Variants in SCARA5 observed in about 807,000 individuals in gnomAD.
SCARA5 encodes scavenger receptor class A member 5, also known as scavenger receptor class A, member 5 (putative).
A neutral mutation model predicts 46.3 loss-of-function variants in SCARA5; 45 were observed. The observed-to-expected ratio is 0.97, with a 90% CI of 0.76 to 1.24. The LOEUF is 1.24. Ranked by LOEUF, SCARA5 falls within the 50% of genes most tolerant of loss-of-function variation. The pLI is 0.00. For missense variants in SCARA5, 680 were observed against 689.0 expected, an observed-to-expected ratio of 0.99 and a Z score of 0.15; for synonymous variants, 333 against 306.5, an observed-to-expected ratio of 1.09 and a Z score of -0.90.
At chr8:27,884,581 A>T (rs1176270110) in intron 7 of SCARA5, among the ~76,000 whole-genome samples, 2 of 152,240 alleles carry the variant, frequency 1.3e-5, no homozygotes, top group Admixed American at 1.3e-4. Flanking sequence ...AGAGCAGGCC[A>T]GGCAGAAGTC....
chr8:27,955,146 C>T (rs1280709680), intron 3 of SCARA5, among the ~76,000 whole-genome samples: 2 of 152,174 alleles, frequency 1.3e-5, no homozygotes, highest in African/African-American at 4.8e-5. Context: ...AGAGACCCCT[C>T]TAGAGATGGG....
chr8:27,914,014 C>T (rs1807420342), intron 4 of SCARA5, among the ~76,000 whole-genome samples: 1 of 152,200 alleles, frequency 6.6e-6, no homozygotes, highest in Non-Finnish European at 1.5e-5. Flanking sequence ...TGAACTGTAG[C>T]TCCCATAATT....
In SCARA5 at chr8:27,871,031, C is replaced by G. The variant is rs917986384; in HGVS notation, c.*903G>C. On this transcript the variant is annotated 3_prime_UTR_variant, in exon 9 of 9. Transcript: ENST00000354914. ...GAAGCCAGTCATGTTTGACCTTGCA[C>G]TCACGCCCTGGAGGTTCTGAAGTAG... The G allele has an allele frequency of 6.6e-6, 1 of 152,260 alleles. No individual in the cohort carries two copies. The highest frequency in any genetic ancestry group is 1.5e-5 in the Non-Finnish European group (1 of 68,078). The allele number at this position is 152,260 out of a possible 1,614,324, so 9.4% of individuals were successfully genotyped here. A position where few individuals can be genotyped will look rare whatever the true frequency, so the allele number is the denominator to read the frequency against.
At chr8:27,920,316 T>C (rs761493963) in intron 4 of SCARA5, among the ~76,000 whole-genome samples, 1 of 152,010 alleles carries the variant, frequency 6.6e-6, no homozygotes, top group Non-Finnish European at 1.5e-5. Context: ...AAAACAGTAA[T>C]AATTTTTAAA....
intron 3 of SCARA5, among the ~76,000 whole-genome samples, chr8:27,943,336 C>T (rs115011223): frequency 0.015 from 2,334 of 152,134 alleles, 26 homozygotes; most frequent in African/African-American, 0.026. Context: ...CTAGCTATTC[C>T]GGAGGCTGAG....
chr8:27,944,614 C>A (rs528968484), intron 3 of SCARA5, among the ~76,000 whole-genome samples: 2 of 151,396 alleles, frequency 1.3e-5, no homozygotes, highest in East Asian at 3.9e-4. Context: ...GTAATCCTAG[C>A]ACTTTGGGAG....
intron 7 of SCARA5, among the ~76,000 whole-genome samples, chr8:27,899,250 A>G (rs768196610): frequency 3.3e-5 from 5 of 152,176 alleles, no homozygotes; most frequent in Non-Finnish European, 5.9e-5. Context: ...TCAGAATGGA[A>G]TTGAATAGTG....
In SCARA5 at chr8:27,964,032, AG is replaced by A. The variant is rs1808328357; in HGVS notation, c.241+2381del. 2.0e-5 allele frequency among the ~76,000 whole-genome samples: 3 copies of A among 152,318 alleles called. No individual in the cohort carries two copies. The South Asian group carries it at 6.2e-4, about 32-fold the overall frequency. On this transcript the variant is annotated intron_variant, in intron 3 of 8. Coordinates refer to ENST00000354914, the MANE Select transcript of SCARA5 (RefSeq NM_173833.6). ...AGGACACCCAACAGAAGGCCAGGCA[AG>A]CTCTTCTTCACACTGGACTGTGGAT...
At chr8:27,922,525 T>C (rs1249864389) in intron 3 of SCARA5, among the ~76,000 whole-genome samples, 1 of 152,224 alleles carries the variant, frequency 6.6e-6, no homozygotes, top group Non-Finnish European at 1.5e-5. Context: ...TTGGAATTTT[T>C]AGAAGATCCA....
At chr8:27,924,778 C>G (rs1028259915) in intron 3 of SCARA5, among the ~76,000 whole-genome samples, 1 of 152,194 alleles carries the variant, frequency 6.6e-6, no homozygotes, top group Non-Finnish European at 1.5e-5. Flanking sequence ...TGATAAGCAA[C>G]TTCAGCAAAC....
chr8:27,931,396 C>G (rs1266499566), intron 3 of SCARA5, among the ~76,000 whole-genome samples: 2 of 152,178 alleles, frequency 1.3e-5, no homozygotes, highest in Non-Finnish European at 2.9e-5. Context: ...GGTGCAGTCC[C>G]ACCTCCCACC....
intron 8 of SCARA5, among the ~76,000 whole-genome samples, chr8:27,877,445 C>T (rs915838592): frequency 2.0e-5 from 3 of 152,192 alleles, no homozygotes; most frequent in Admixed American, 2.0e-4. Context: ...TCTACAGGAT[C>T]GCTGGCCTGG....
intron 3 of SCARA5, among the ~76,000 whole-genome samples, chr8:27,953,268 T>A (rs1261809505): frequency 6.6e-6 from 1 of 152,190 alleles, no homozygotes; most frequent in African/African-American, 2.4e-5. Context: ...CATGGGTGGG[T>A]CTGCTGCAGG....
At chr8:27,958,945 A>G (rs1808248938) in intron 3 of SCARA5, among the ~76,000 whole-genome samples, 3 of 152,122 alleles carry the variant, frequency 2.0e-5, no homozygotes, top group Admixed American at 6.5e-5. Flanking sequence ...AGAAAGTCTC[A>G]TGAGAGGTCA....
Position 27,907,391 on chromosome 8 carries a change from G to T in SCARA5, c.998-145C>A, listed in dbSNP as rs73668376. On this transcript the variant is annotated intron_variant, in intron 5 of 8. Transcript: ENST00000354914. The stretch of plus-strand genomic sequence containing the variant: ...GGCTTTTTTCTGTTAATCTAAAGAT[G>T]CCACCACAGCAGAGTCAAAGAGGTC... The T allele has an allele frequency of 4.7e-4, 268 of 564,944 alleles. 2 individuals carry two copies. Among genetic ancestry groups the T allele is most frequent in the African/African-American group, 4.7e-3 (249 of 52,508 alleles). 35.0% of individuals were successfully genotyped at this position (564,944 alleles called of 1,614,324 possible).
intron 3 of SCARA5, among the ~76,000 whole-genome samples, chr8:27,949,067 A>G (rs897058440): frequency 1.3e-5 from 2 of 152,256 alleles, no homozygotes; most frequent in African/African-American, 2.4e-5. Context: ...GGGGTGCCTC[A>G]GTTTCCCTAT....
intron 8 of SCARA5, among the ~76,000 whole-genome samples, chr8:27,875,209 C>G (rs929571521): frequency 1.1e-5 from 1 of 93,854 alleles, no homozygotes; most frequent in Admixed American, 1.0e-4. Context: ...ACTCCTCCCT[C>G]CCTCCCTCTC....
chr8:27,930,093 A>T (rs892647849), intron 3 of SCARA5, among the ~76,000 whole-genome samples: 4 of 152,140 alleles, frequency 2.6e-5, no homozygotes, highest in Non-Finnish European at 4.4e-5. Flanking sequence ...AAATAACCCA[A>T]ACCACAGCAA....
chr8:27,958,589 G>T (rs940370722), intron 3 of SCARA5, among the ~76,000 whole-genome samples: 1 of 152,250 alleles, frequency 6.6e-6, no homozygotes, highest in African/African-American at 2.4e-5. Flanking sequence ...TAGGGACATG[G>T]TTGGGACACT....
Sources: allele counts gnomAD v4.1 joint callset (sites outside exome capture counted in the v4.1 genomes callset), GRCh38; gene constraint gnomAD v4.1.1; transcripts MANE v1.5; gene names NCBI Gene and HGNC (gene_info 2026-07-23, HGNC 2026-07-21).